AFF2: variants seen among roughly 807,000 people sequenced by gnomAD.
AFF2 encodes ALF transcription elongation factor 2, also known as AF4/FMR2 family member 2.
Under a neutral mutation model 76.9 loss-of-function variants are expected in AFF2, and 14 were observed. That is an observed-to-expected ratio of 0.18 (90% CI 0.12 to 0.28). The LOEUF is 0.28. Among genes scored for constraint, AFF2 ranks in the 10% least tolerant of loss-of-function variants. The pLI, the probability that AFF2 is intolerant of heterozygous loss-of-function variation, is 1.00. For synonymous variants in AFF2, 398 were observed against 366.7 expected (o/e 1.09, Z -0.98); for missense variants, 868 against 1,001.1 (o/e 0.87, Z 1.79).
chrX:148,644,436 C>T (rs368575866), intron 1 of AFF2, among the ~76,000 whole-genome samples: 14 of 111,520 alleles, frequency 1.3e-4, no homozygotes, highest in African/African-American at 3.9e-4. Context: ...TTTCCTCATC[C>T]GCAAAATGAG....
At chrX:148,721,400 G>A (rs975186960) in intron 3 of AFF2, among the ~76,000 whole-genome samples, 1 of 111,908 alleles carries the variant, frequency 8.9e-6, no homozygotes, top group African/African-American at 3.2e-5. Flanking sequence ...GATAATAATC[G>A]TCTCTACCTC....
At chrX:148,614,736 T>TTCTTTCTTTCTTTC (rs1557250011) in intron 1 of AFF2, among the ~76,000 whole-genome samples, 1 of 69,475 alleles carries the variant, frequency 1.4e-5, no homozygotes, top group East Asian at 4.3e-4. Flanking sequence ...TTTCTTTCCT[T>TTCTTTCTTTCTTTC]CTTTTCTTTC....
chrX:148,590,408 G>A (rs1016876500), intron 1 of AFF2, among the ~76,000 whole-genome samples: 4 of 111,057 alleles, frequency 3.6e-5, no homozygotes, highest in South Asian at 3.9e-4. Context: ...GCTTCTGATC[G>A]TCCACTAAGA....
At chrX:148,774,121 T>C (rs2069638036) in intron 3 of AFF2, among the ~76,000 whole-genome samples, 1 of 111,945 alleles carries the variant, frequency 8.9e-6, no homozygotes, top group African/African-American at 3.2e-5. Flanking sequence ...AATTTTAAAC[T>C]CACTTGCCAT....
At chrX:148,584,350 C>T (rs782736789) in intron 1 of AFF2, among the ~76,000 whole-genome samples, 1 of 111,033 alleles carries the variant, frequency 9.0e-6, no homozygotes, top group African/African-American at 3.3e-5. Context: ...ATTCCTGGGT[C>T]TGAGAAACTG....
At chrX:148,571,861 T>C (rs959574516) in intron 1 of AFF2, among the ~76,000 whole-genome samples, 2 of 110,908 alleles carry the variant, frequency 1.8e-5, no homozygotes, top group African/African-American at 6.6e-5. Flanking sequence ...TCCACCTACA[T>C]ATAGGAAGCA....
At chrX:148,765,935 A>G (rs2069510121) in intron 3 of AFF2, among the ~76,000 whole-genome samples, 1 of 96,017 alleles carries the variant, frequency 1.0e-5, no homozygotes, top group South Asian at 5.4e-4. Context: ...ATTCCCACCT[A>G]TGAGTGAGAA....
At chrX:148,694,935 C>A (rs2054699185) in intron 3 of AFF2, among the ~76,000 whole-genome samples, 1 of 107,514 alleles carries the variant, frequency 9.3e-6, no homozygotes, top group Non-Finnish European at 1.9e-5. Context: ...CCTGCCTCAG[C>A]CTCCTGAGTA....
chrX:148,856,613 C>T (rs2070788779), intron 7 of AFF2, among the ~76,000 whole-genome samples: 1 of 111,528 alleles, frequency 9.0e-6, no homozygotes, highest in Non-Finnish European at 1.9e-5. Context: ...AGGGAGAAAA[C>T]AATGGAGGAC....
chrX:148,979,472 C>CTTTATTGAACTT (rs1377339590), intron 18 of AFF2, among the ~76,000 whole-genome samples: 1 of 112,026 alleles, frequency 8.9e-6, no homozygotes, highest in Non-Finnish European at 1.9e-5. Flanking sequence ...TTAGAAAGTT[C>CTTTATTGAACTT]TTTATTGAAC....
intron 9 of AFF2, among the ~76,000 whole-genome samples, chrX:148,926,004 T>C (rs186699585): frequency 5.7e-4 from 64 of 112,033 alleles, no homozygotes; most frequent in African/African-American, 2.0e-3. Flanking sequence ...GCTGTGAGGA[T>C]TAAAAAAGAG....
chrX:148,536,359 C>T (rs890536483), intron 1 of AFF2, among the ~76,000 whole-genome samples: 1 of 111,663 alleles, frequency 9.0e-6, no homozygotes, highest in East Asian at 2.8e-4. Context: ...GCCTGGAGGG[C>T]TGGGGGTGCC....
chrX:148,656,742 C>T lies in AFF2; in HGVS notation c.180+4611C>T, dbSNP rs1311736646. Among the ~76,000 whole-genome samples the T allele has an allele frequency of 6.4e-5, 7 of 109,596 alleles. No homozygotes were observed. The South Asian group carries it at 1.6e-3, about 25-fold the overall frequency. ...GTCTCGATCTCCTGACCTCGTGATC[C>T]GCCCGCCTCGGCCTCCCAAAGTGCT... On this transcript the variant is annotated intron_variant, in intron 2 of 20. Coordinates refer to ENST00000370460, the MANE Select transcript of AFF2 (RefSeq NM_002025.4).
At chrX:148,647,145 G>A (rs1230524570) in intron 1 of AFF2, among the ~76,000 whole-genome samples, 2 of 112,152 alleles carry the variant, frequency 1.8e-5, no homozygotes, top group East Asian at 2.8e-4. Flanking sequence ...ACCACAGGAA[G>A]TGAGTGATAG....
At chrX:148,989,954 C>T (rs1217241607) in intron 20 of AFF2, among the ~76,000 whole-genome samples, 1 of 112,031 alleles carries the variant, frequency 8.9e-6, no homozygotes, top group Non-Finnish European at 1.9e-5. Flanking sequence ...CCACAGAGAG[C>T]TTTGTACAGA....
At chrX:148,837,211 G>T (rs2070537014) in intron 4 of AFF2, among the ~76,000 whole-genome samples, 1 of 111,717 alleles carries the variant, frequency 9.0e-6, no homozygotes, top group Admixed American at 9.5e-5. Flanking sequence ...AAAAGTTGAA[G>T]GTTCCCAATA....
chrX:148,756,168 T>G (rs1297123822), intron 3 of AFF2, among the ~76,000 whole-genome samples: 26 of 112,576 alleles, frequency 2.3e-4, no homozygotes, highest in East Asian at 2.8e-4. Context: ...ACAATAATAG[T>G]GCCTACCTTA....
At chrX:148,780,846 T>G (rs1365397595) in intron 3 of AFF2, among the ~76,000 whole-genome samples, 1 of 112,076 alleles carries the variant, frequency 8.9e-6, no homozygotes, top group Non-Finnish European at 1.9e-5. Context: ...TTTTTGGAAT[T>G]TTCAGCCATT....
intron 3 of AFF2, among the ~76,000 whole-genome samples, chrX:148,805,559 C>A (rs1485912550): frequency 8.9e-6 from 1 of 112,054 alleles, no homozygotes; most frequent in Non-Finnish European, 1.9e-5. Flanking sequence ...TCTTGTATTA[C>A]CCTAATCGCT....
Sources: allele counts gnomAD v4.1 joint callset (sites outside exome capture counted in the v4.1 genomes callset), GRCh38; gene constraint gnomAD v4.1.1; transcripts MANE v1.5; gene names NCBI Gene and HGNC (gene_info 2026-07-23, HGNC 2026-07-21).